The following SGSM3 variants were observed in gnomAD, a reference collection of about 807,000 sequenced individuals.
SGSM3 encodes the protein small G protein signaling modulator 3, also known as RUN and SH3 containing 3.
SGSM3 carries 96 observed loss-of-function variants against 100.5 expected under a neutral mutation model. The observed-to-expected ratio is 0.96, with a 90% CI of 0.81 to 1.13. SGSM3 has a LOEUF of 1.13. Ranked by LOEUF, SGSM3 falls within the 50% of genes most tolerant of loss-of-function variation. SGSM3 has a pLI of 0.00. For missense variants in SGSM3, 1,001 were observed against 1,015.8 expected (o/e 0.99, Z 0.20); for synonymous variants, 483 against 422.8 (o/e 1.14, Z -1.75).
chr22:40,393,048 T>C (rs1160155851), intron 1 of SGSM3, among the ~76,000 whole-genome samples: 1 of 152,244 alleles, frequency 6.6e-6, no homozygotes, highest in Non-Finnish European at 1.5e-5. Flanking sequence ...TATAGTTCAT[T>C]GTCTGCGTAA....
chr22:40,382,942 G>A (rs769237796), intron 1 of SGSM3, among the ~76,000 whole-genome samples: 4 of 152,226 alleles, frequency 2.6e-5, no homozygotes, highest in Admixed American at 6.5e-5. Context: ...TGCTTCCACA[G>A]TAACACTGTA....
rs191859083 is a variant in SGSM3 at position 40,400,715 on chromosome 22, G to T, written c.-92G>T. 19 of 1,278,102 alleles carry T rather than the reference G, an allele frequency of 1.5e-5. No homozygotes were observed. The Admixed American group carries it at 3.6e-4, about 24-fold the overall frequency. The allele number at this position is 1,278,102 out of a possible 1,614,324, so 79.2% of individuals were successfully genotyped here. On this transcript the variant is annotated 5_prime_UTR_variant, in exon 2 of 22. Transcript: ENST00000248929. The stretch of plus-strand genomic sequence containing the variant: ...TAACAGGGCAGATGATTCTGGACCA[G>T]ATGAAGCCTGAGGAGCCTTCCAGCT...
chr22:40,372,302 A>G (rs112923878), intron 1 of SGSM3, among the ~76,000 whole-genome samples: 4 of 151,364 alleles, frequency 2.6e-5, no homozygotes, highest in African/African-American at 7.3e-5. Context: ...AATTTTTTGT[A>G]TTTTTAGTAG....
At chr22:40,406,901 T>C in intron 10 of SGSM3, 116 bp from the exon 11 acceptor site, 1 of 1,128,496 alleles carries the variant, frequency 8.9e-7, no homozygotes, top group Admixed American at 2.0e-5. Context: ...TTATCTGTTT[T>C]CAATTCTTGG....
intron 1 of SGSM3, among the ~76,000 whole-genome samples, chr22:40,382,451 TC>T (rs2047722707): frequency 6.6e-6 from 1 of 152,000 alleles, no homozygotes; most frequent in African/African-American, 2.4e-5. Flanking sequence ...GTCAGCTGGG[TC>T]CCACCTGGGA....
At chr22:40,390,796 A>T (rs1241776612) in intron 1 of SGSM3, among the ~76,000 whole-genome samples, 1 of 152,184 alleles carries the variant, frequency 6.6e-6, no homozygotes, top group African/African-American at 2.4e-5. Flanking sequence ...CTGTGCCTTG[A>T]AGAATAAGTC....
chr22:40,372,287 C>T (rs2045730141), intron 1 of SGSM3, among the ~76,000 whole-genome samples: 2 of 151,932 alleles, frequency 1.3e-5, no homozygotes, highest in African/African-American at 4.8e-5. Context: ...CCACCACACC[C>T]GGATAATTTT....
chr22:40,401,452 G>C (rs2050747587), intron 2 of SGSM3, 141 bp from the exon 3 acceptor site: 3 of 585,848 alleles, frequency 5.1e-6, no homozygotes, highest in Non-Finnish European at 6.5e-6. Context: ...CTCCATGTTG[G>C]CCAGGCTGGT....
At chr22:40,401,539 C>T in intron 2 of SGSM3, 54 bp from the exon 3 acceptor site, 2 of 1,455,614 alleles carry the variant, frequency 1.4e-6, no homozygotes, top group East Asian at 2.3e-5. Flanking sequence ...AGCCACTGCG[C>T]CTGGCCTGCC....
In SGSM3 at chr22:40,407,395, C is replaced by T. The variant is rs974247543; in HGVS notation, c.1369-18C>T. On this transcript the variant is annotated intron_variant, in intron 12 of 21. Transcript: ENST00000248929. The surrounding 1 kb of genome is among the most constrained non-coding windows in gnomAD (Gnocchi z 4.7). ...AACTCCTCCAACCCCCTTGGTGGGC[C>T]TGTGTTCACTGTGGCAGGAGCTGAC... 14 of 1,611,256 alleles carry T rather than the reference C, an allele frequency of 8.7e-6. No individual in the cohort carries two copies. In the East Asian group the frequency reaches 2.9e-4, roughly 33 times the overall value.
At position 40,410,226 on chromosome 22, in the gene SGSM3, A is replaced by C. The variant is rs1381159931; in HGVS notation, c.*467A>C. ...GGCCCCTCAGATGCTGGGACACAAC[A>C]GACCCGGGACCCAGCTGTGCTACCC... is the stretch of plus-strand genomic sequence containing the variant. On this transcript the variant is annotated 3_prime_UTR_variant, in exon 22 of 22. Transcript: ENST00000248929. 2.9e-6 allele frequency: 3 copies of C among 1,047,058 alleles called. No individual in the cohort carries two copies. Among genetic ancestry groups the C allele is most frequent in the Non-Finnish European group, 3.5e-6 (3 of 865,416 alleles). 64.9% of individuals were successfully genotyped at this position (1,047,058 alleles called of 1,614,324 possible). A position where few individuals can be genotyped will look rare whatever the true frequency, so the allele number is the denominator to read the frequency against.
At chr22:40,379,722 T>C (rs1452270333) in intron 1 of SGSM3, among the ~76,000 whole-genome samples, 1 of 152,180 alleles carries the variant, frequency 6.6e-6, no homozygotes, top group Non-Finnish European at 1.5e-5. Context: ...TCTGTTCTTA[T>C]TATTAAGGCA....
rs546644076 is a variant in SGSM3, at chr22:40,410,232, G to C, written c.*473G>C. 9.7e-7 allele frequency: 1 copy of C among 1,035,618 alleles called. No individual in the cohort carries two copies. Among genetic ancestry groups the C allele is most frequent in the East Asian group, 5.4e-5 (1 of 18,416 alleles). 64.2% of individuals were successfully genotyped at this position (1,035,618 alleles called of 1,614,324 possible). A position where few individuals can be genotyped will look rare whatever the true frequency, so the allele number is the denominator to read the frequency against. On this transcript the variant is annotated 3_prime_UTR_variant, in exon 22 of 22. Transcript: ENST00000248929. ...TCAGATGCTGGGACACAACAGACCC[G>C]GGACCCAGCTGTGCTACCCACCCCT...
chr22:40,404,159 CAGACCCTCCTGAA>C (rs1303650763), intron 4 of SGSM3, 75 bp from the exon 5 acceptor site: 2 of 1,166,724 alleles, frequency 1.7e-6, no homozygotes, highest in African/African-American at 3.1e-5. Context: ...CCATGAAGCT[CAGACCCTCCTGAA>C]GACGGAGGCT....
intron 1 of SGSM3, chr22:40,372,771 G>T (rs1405285076): frequency 6.6e-6 from 1 of 152,190 alleles, no homozygotes; most frequent in African/African-American, 2.4e-5. Context: ...CTTAAAAAAA[G>T]CTCTGTGTGT....
In SGSM3 at chr22:40,409,468, C is replaced by A. The variant is rs1385151221; in HGVS notation, c.2115C>A (p.Val705=). 1 of 1,580,564 alleles carries A rather than the reference C, an allele frequency of 6.3e-7. No individual in the cohort carries two copies. The highest frequency in any genetic ancestry group is 2.3e-5 in the East Asian group (1 of 44,368). ...GWVQIKCELR[V]LCCFAFSLSQ... The stretch of plus-strand genomic sequence containing the variant: ...ACCACCCCTTCCTCACCTCTAGAGT[C>A]CTCTGCTGCTTTGCCTTCAGCCTCT... Residue 705 remains valine (V), a synonymous_variant, in exon 21 of 22, where the codon GTC becomes GTA. Transcript: ENST00000248929.
intron 1 of SGSM3, among the ~76,000 whole-genome samples, chr22:40,385,229 A>G (rs868554089): frequency 6.6e-6 from 1 of 152,216 alleles, no homozygotes; most frequent in South Asian, 2.1e-4. Flanking sequence ...TGGTGACAGA[A>G]GCTAGGGTGA....
At chr22:40,374,838 T>C (rs1314806693) in intron 1 of SGSM3, among the ~76,000 whole-genome samples, 1 of 152,174 alleles carries the variant, frequency 6.6e-6, no homozygotes, top group African/African-American at 2.4e-5. Context: ...CCAGCCATGT[T>C]TGTACCACTG....
At chr22:40,399,034 A>C (rs1349461530) in intron 1 of SGSM3, among the ~76,000 whole-genome samples, 1 of 138,666 alleles carries the variant, frequency 7.2e-6, no homozygotes, top group East Asian at 2.1e-4. Flanking sequence ...CCCAGGCTGG[A>C]GGGCAGTGGT....
Sources: gnomAD v4.1 joint callset for allele counts (sites outside exome capture counted in the v4.1 genomes callset) on GRCh38, gnomAD v4.1.1 for gene constraint, Gnocchi (gnomAD v3.1) non-coding constraint, MANE v1.5 for transcripts, NCBI Gene and HGNC (gene_info 2026-07-23, HGNC 2026-07-21) for gene names.